The following SSH2 variants were observed in gnomAD, a reference collection of about 807,000 sequenced individuals.
SSH2 encodes slingshot protein phosphatase 2, also known as protein phosphatase Slingshot homolog 2.
SSH2 carries 37 observed loss-of-function variants against 135.2 expected under a neutral mutation model. That is an observed-to-expected ratio of 0.27 (90% CI 0.21 to 0.36). The LOEUF is 0.36. Among genes scored for constraint, SSH2 ranks in the 10% least tolerant of loss-of-function variants. The pLI is 1.00. For missense variants in SSH2, 1,408 were observed against 1,765.3 expected, an observed-to-expected ratio of 0.80 and a Z score of 3.63; for synonymous variants, 628 against 646.2, an observed-to-expected ratio of 0.97 and a Z score of 0.43.
intron 1 of SSH2, among the ~76,000 whole-genome samples, chr17:29,918,699 G>C (rs892963572): frequency 3.3e-5 from 5 of 152,174 alleles, no homozygotes; most frequent in Non-Finnish European, 7.4e-5. Flanking sequence ...CACTTTGGGA[G>C]GCTGAGGTGG....
At chr17:29,708,622 G>T (rs956841458) in intron 3 of SSH2, among the ~76,000 whole-genome samples, 2 of 150,156 alleles carry the variant, frequency 1.3e-5, no homozygotes, top group Admixed American at 1.3e-4. Flanking sequence ...CAAAAAAACC[G>T]GTTCTTTAGA....
chr17:29,667,202 T>C lies in SSH2; in HGVS notation c.831A>G (p.Thr277=). The change falls in exon 10 of 16, where the codon ACA becomes ACG. Residue 277 remains threonine, a synonymous_variant. Coordinates refer to ENST00000540801, the MANE Select transcript of SSH2 (RefSeq NM_001282129.2). The part of the protein sequence containing the change: ...FTDIPTERER[T]ERLIKTKLRE... Reference sequence around the variant, plus strand: ...TTAATTTGGTTTTAATTAGCCTTTCTGTTCGTTCACGTTCAGTAGGTCTGA... The same window carrying C: ...TTAATTTGGTTTTAATTAGCCTTTCCGTTCGTTCACGTTCAGTAGGTCTGA... The C allele has an allele frequency of 1.9e-6, 3 of 1,611,522 alleles. No homozygotes were observed. The highest frequency in any genetic ancestry group is 2.5e-6 in the Non-Finnish European group (3 of 1,177,918).
intron 15 of SSH2, 104 bp from the exon 16 acceptor site, chr17:29,633,035 T>A: frequency 9.5e-7 from 1 of 1,054,252 alleles, no homozygotes; most frequent in Non-Finnish European, 1.4e-6. Context: ...CCTATCTGAC[T>A]AAGAGAATAC....
chr17:29,921,466 T>C (rs969876008), intron 1 of SSH2, among the ~76,000 whole-genome samples: 1 of 152,224 alleles, frequency 6.6e-6, no homozygotes, highest in African/African-American at 2.4e-5. Context: ...AGTGATCATA[T>C]CCTTTGGGCT....
At position 29,641,955 on chromosome 17, in the gene SSH2, T is replaced by TAAA. The variant is rs1478797900; in HGVS notation, c.1428-5156_1428-5154dup. Among the ~76,000 whole-genome samples, 565 of 88,894 alleles carry TAAA rather than the reference T, an allele frequency of 6.4e-3. 4 individuals are homozygous for TAAA. The highest frequency in any genetic ancestry group is 0.022 in the African/African-American group (541 of 24,338). 58.3% of individuals were successfully genotyped at this position (88,894 alleles called of 152,430 possible). On this transcript the variant is annotated intron_variant, in intron 14 of 15. Transcript: ENST00000540801. ...ACATTGTCTTTTTTTTTTTTTTTTT[T>TAAA]AAAAAAAGAGGGCCAGGAGTTATAG...
intron 1 of SSH2, chr17:29,856,061 A>G (rs2065657507): frequency 2.8e-6 from 1 of 352,004 alleles, no homozygotes; most frequent in Non-Finnish European, 5.5e-6. Context: ...CCATCAACTT[A>G]GTTATCCAGG....
chr17:29,697,289 T>C (rs1255687852), intron 4 of SSH2, among the ~76,000 whole-genome samples: 1 of 152,218 alleles, frequency 6.6e-6, no homozygotes, highest in Non-Finnish European at 1.5e-5. Flanking sequence ...ACTGACATAG[T>C]CACATAACCA....
intron 3 of SSH2, among the ~76,000 whole-genome samples, chr17:29,732,871 A>T (rs2040244465): frequency 6.6e-6 from 1 of 152,198 alleles, no homozygotes; most frequent in Non-Finnish European, 1.5e-5. Flanking sequence ...AATCTCTACC[A>T]CACATAACTC....
At chr17:29,695,364 C>T (rs911634587) in intron 5 of SSH2, 95 bp downstream of exon 5, 41 of 898,762 alleles carry the variant, frequency 4.6e-5, no homozygotes, top group Non-Finnish European at 6.3e-5. Context: ...CACATAGTTC[C>T]CAGCACTGTG....
In SSH2 at chr17:29,631,340, G is replaced by T; in HGVS notation, c.3854C>A (p.Ala1285Asp). The T allele has an allele frequency of 6.2e-7, 1 of 1,614,154 alleles. No individual in the cohort carries two copies. The highest frequency in any genetic ancestry group is 8.5e-7 in the Non-Finnish European group (1 of 1,180,036). Residue 1285 changes from alanine to aspartate, a missense_variant, in exon 16 of 16, where the codon GCT (alanine) becomes GAT (aspartate). This residue lies in a region of SSH2 where 1,080 missense variants were observed against 1,144.5 expected (regional missense o/e 0.94). Transcript: ENST00000540801. The part of the protein sequence containing the change: ...LTKPSQMRRS[A>D]SLAKLGYLDL... ...CAAGTAACCTAATTTGGCGAGAGAAGCTGAGCGCCTCATTTGGGATGGTTT... is the reference window on the plus strand; with the variant it reads ...CAAGTAACCTAATTTGGCGAGAGAATCTGAGCGCCTCATTTGGGATGGTTT...
At chr17:29,686,589 C>A (rs867201217) in intron 5 of SSH2, among the ~76,000 whole-genome samples, 2 of 150,902 alleles carry the variant, frequency 1.3e-5, no homozygotes, top group Non-Finnish European at 2.9e-5. Context: ...AGGCTGGTCT[C>A]GAACTCTGAA....
chr17:29,790,751 CAG>C (rs1488693430), intron 3 of SSH2, among the ~76,000 whole-genome samples: 2 of 146,010 alleles, frequency 1.4e-5, no homozygotes, highest in East Asian at 2.0e-4. Context: ...TTTTTTGAGA[CAG>C]AGTCTTGCTC....
chr17:29,903,683 G>A (rs1370221787), intron 1 of SSH2, among the ~76,000 whole-genome samples: 1 of 151,994 alleles, frequency 6.6e-6, no homozygotes, highest in South Asian at 2.1e-4. Flanking sequence ...TGATTATTTC[G>A]CTCTTTTTCC....
chr17:29,760,828 G>C (rs1325758987), intron 3 of SSH2, among the ~76,000 whole-genome samples: 1 of 152,016 alleles, frequency 6.6e-6, no homozygotes, highest in African/African-American at 2.4e-5. Flanking sequence ...AGTCTTCCAA[G>C]TGCCAAACAG....
At chr17:29,873,158 C>T (rs534803999) in intron 1 of SSH2, among the ~76,000 whole-genome samples, 1 of 152,256 alleles carries the variant, frequency 6.6e-6, no homozygotes, top group East Asian at 1.9e-4. Context: ...AAAATATCCA[C>T]AGTTACTTAC....
chr17:29,785,967 G>A (rs1459186507), intron 3 of SSH2, among the ~76,000 whole-genome samples: 1 of 151,956 alleles, frequency 6.6e-6, no homozygotes, highest in Non-Finnish European at 1.5e-5. Flanking sequence ...ATCACGCCCG[G>A]CTAGTTTTTT....
intron 2 of SSH2, among the ~76,000 whole-genome samples, chr17:29,823,148 A>G (rs530021722): frequency 3.3e-5 from 5 of 152,316 alleles, no homozygotes; most frequent in African/African-American, 7.2e-5. Context: ...TAGAAAATAA[A>G]CTGACTTTCT....
chr17:29,922,283 C>T (rs954027157), intron 1 of SSH2, among the ~76,000 whole-genome samples: 2 of 151,956 alleles, frequency 1.3e-5, no homozygotes, highest in Admixed American at 1.3e-4. Context: ...ACTAGCAATT[C>T]AAATTATAGA....
At chr17:29,818,614 G>A (rs1454742263) in intron 2 of SSH2, among the ~76,000 whole-genome samples, 1 of 151,994 alleles carries the variant, frequency 6.6e-6, no homozygotes, top group Non-Finnish European at 1.5e-5. Context: ...GGGAGAAAAA[G>A]GAAGAAAAAA....
Sources: allele counts gnomAD v4.1 joint callset (sites outside exome capture counted in the v4.1 genomes callset), GRCh38; gene constraint gnomAD v4.1.1; regional missense constraint gnomAD v4.1.1; transcripts MANE v1.5; gene names NCBI Gene and HGNC (gene_info 2026-07-23, HGNC 2026-07-21).